TRA2B: variants seen among roughly 807,000 people sequenced by gnomAD.
The protein encoded by TRA2B is transformer-2 protein homolog beta.
TRA2B carries 14 observed loss-of-function variants against 41.7 expected under a neutral mutation model. That is an observed-to-expected ratio of 0.34 (90% CI 0.22 to 0.53). The LOEUF (loss-of-function observed/expected upper bound fraction) is 0.53, where lower values mean the gene tolerates loss of function less well. Among genes scored for constraint, TRA2B ranks in the 20% least tolerant of loss-of-function variants. The pLI is 0.95. For synonymous variants in TRA2B, 130 were observed against 128.8 expected, an observed-to-expected ratio of 1.01 and a Z score of -0.06; for missense variants, 167 against 396.8, an observed-to-expected ratio of 0.42 and a Z score of 4.92.
In TRA2B at chr3:185,937,911, C is replaced by G; in HGVS notation, c.-51G>C. On this transcript the variant is annotated 5_prime_UTR_variant, in exon 1 of 9. Coordinates refer to ENST00000453386, the MANE Select transcript of TRA2B (RefSeq NM_004593.3). ...ATGTGCTTCAATCGAAGCTGCCAAC[C>G]TCTTGCACCTTCCTTAAGGAGGCTC... is the stretch of plus-strand genomic sequence containing the variant. 1 of 1,610,538 alleles carries G rather than the reference C, an allele frequency of 6.2e-7. No homozygotes were observed. The highest frequency in any genetic ancestry group is 2.2e-5 in the East Asian group (1 of 44,846).
At chr3:185,937,146 A>G in intron 1 of TRA2B, 1 of 985,506 alleles carries the variant, frequency 1.0e-6, no homozygotes. Context: ...GGCATCAGAG[A>G]AAAGCGCTTC....
At chr3:185,934,718 C>G (rs930821986) in intron 1 of TRA2B, 2 of 984,790 alleles carry the variant, frequency 2.0e-6, no homozygotes, top group African/African-American at 3.5e-5. Context: ...GAGCTAAAAC[C>G]AAGGAATATA....
At chr3:185,925,669 ATTGTCTT>A (rs1458212892) in intron 2 of TRA2B, 43 bp from the exon 3 acceptor site, 1 of 1,569,732 alleles carries the variant, frequency 6.4e-7, no homozygotes, top group Non-Finnish European at 8.6e-7. Flanking sequence ...GAAAACAAAT[ATTGTCTT>A]CTTTATTACT....
rs1258762151 is a variant in TRA2B at position 185,915,838 on chromosome 3, T to TG, written c.*1876dup. 6.6e-6 allele frequency: 1 copy of TG among 152,166 alleles called. No individual in the cohort carries two copies. Among genetic ancestry groups the TG allele is most frequent in the African/African-American group, 2.4e-5 (1 of 41,422 alleles). 9.4% of individuals were successfully genotyped at this position (152,166 alleles called of 1,614,324 possible). A position where few individuals can be genotyped will look rare whatever the true frequency, so the allele number is the denominator to read the frequency against. ...GTTAACTGATGGGGAGAGGTTTGGT[T>TG]GGGGAGAAAATGGTGGAGAATGTAG... On this transcript the variant is annotated 3_prime_UTR_variant, in exon 9 of 9. Transcript: ENST00000453386.
At chr3:185,925,836 A>G (rs1342929740) in intron 2 of TRA2B, among the ~76,000 whole-genome samples, 3 of 152,248 alleles carry the variant, frequency 2.0e-5, no homozygotes, top group African/African-American at 7.2e-5. Flanking sequence ...GCTCTCCTCC[A>G]GTATTTCTTC....
chr3:185,927,965 A>G (rs1264319249), intron 1 of TRA2B: 1 of 152,214 alleles, frequency 6.6e-6, no homozygotes, highest in African/African-American at 2.4e-5. Flanking sequence ...GCAAGACTCA[A>G]AAGGAAGCAG....
rs1280932921 is a variant in TRA2B at position 185,915,900 on chromosome 3, A to G, written c.*1815T>C. 1 of 152,200 alleles carries G rather than the reference A, an allele frequency of 6.6e-6. No individual in the cohort carries two copies. Among genetic ancestry groups the G allele is most frequent in the African/African-American group, 2.4e-5 (1 of 41,444 alleles). The allele number at this position is 152,200 out of a possible 1,614,324, so 9.4% of individuals were successfully genotyped here. On this transcript the variant is annotated 3_prime_UTR_variant, in exon 9 of 9. Coordinates refer to ENST00000453386, the MANE Select transcript of TRA2B (RefSeq NM_004593.3). ...AAGGATGCCTGTATATACTACCACG[A>G]TAAAACCAGGTTTCTCAGCCTTTAA...
chr3:185,921,267 G>T, intron 5 of TRA2B, 80 bp from the exon 6 acceptor site: 2 of 1,186,064 alleles, frequency 1.7e-6, no homozygotes, highest in South Asian at 1.2e-5. Context: ...GGCCTTTTCT[G>T]ACACATTAAC....
intron 1 of TRA2B, chr3:185,934,622 G>A: frequency 3.0e-6 from 3 of 985,348 alleles, no homozygotes; most frequent in Non-Finnish European, 3.6e-6. Context: ...CTTTTTTAAA[G>A]GAAATTTGGT....
intron 1 of TRA2B, among the ~76,000 whole-genome samples, chr3:185,929,347 T>TA (rs1326766030): frequency 6.6e-6 from 1 of 152,102 alleles, no homozygotes; most frequent in Non-Finnish European, 1.5e-5. Flanking sequence ...CAGGTAAAGC[T>TA]ATAAAAACCA....
At chr3:185,930,271 A>AT (rs1172394064) in intron 1 of TRA2B, among the ~76,000 whole-genome samples, 1 of 152,168 alleles carries the variant, frequency 6.6e-6, no homozygotes, top group Non-Finnish European at 1.5e-5. Context: ...TGTAATATTC[A>AT]TTCACACATT....
At position 185,922,134 on chromosome 3, in the gene TRA2B, A is replaced by AG; in HGVS notation, c.523-9dup. Reference sequence around the variant, plus strand: ...ATTGGCACGTTCTTTAGCCTTCAAAAGGTAAATAAATTGTTACATACATCC... The same window carrying AG: ...ATTGGCACGTTCTTTAGCCTTCAAAAGGGTAAATAAATTGTTACATACATCC... On this transcript the variant is annotated splice_polypyrimidine_tract_variant and intron_variant, in intron 4 of 8. Coordinates refer to ENST00000453386, the MANE Select transcript of TRA2B (RefSeq NM_004593.3). The AG allele has an allele frequency of 6.2e-7, 1 of 1,606,612 alleles. No individual in the cohort carries two copies. The highest frequency in any genetic ancestry group is 8.5e-7 in the Non-Finnish European group (1 of 1,174,472).
chr3:185,931,507 C>T lies in TRA2B; in HGVS notation c.37-4773G>A, dbSNP rs74987700. On this transcript the variant is annotated intron_variant, in intron 1 of 8. Transcript: ENST00000453386. ...ACTTCTTTACCCTGTATATATTTTC[C>T]TCTATTAAACAAATAATGCATGCAT... 3.0e-3 allele frequency: 3,151 copies of T among 1,062,928 alleles called. 3 individuals carry two copies. Among genetic ancestry groups the T allele is most frequent in the Non-Finnish European group, 3.4e-3 (2,977 of 875,636 alleles). 65.8% of individuals were successfully genotyped at this position (1,062,928 alleles called of 1,614,324 possible). A position where few individuals can be genotyped will look rare whatever the true frequency, so the allele number is the denominator to read the frequency against.
intron 1 of TRA2B, among the ~76,000 whole-genome samples, chr3:185,933,431 G>T (rs1435595932): frequency 6.6e-6 from 1 of 152,116 alleles, no homozygotes; most frequent in East Asian, 1.9e-4. Context: ...TTAGTTAAGA[G>T]ACCCTAGTTA....
At chr3:185,935,443 C>G (rs1317980032) in intron 1 of TRA2B, 1 of 985,276 alleles carries the variant, frequency 1.0e-6, no homozygotes. Context: ...ATTGAGTGAT[C>G]AAACTGAGAA....
Position 185,925,448 on chromosome 3 carries a change from C to A in TRA2B, c.333+16G>T. 2 of 1,608,460 alleles carry A rather than the reference C, an allele frequency of 1.2e-6. No homozygotes were observed. Among genetic ancestry groups the A allele is most frequent in the South Asian group, 1.1e-5 (1 of 89,930 alleles). On this transcript the variant is annotated intron_variant, in intron 3 of 8. Transcript: ENST00000453386. ...TTTAGGCAGTTGACTGCTTCAAAACCAGTTTTTCATCTTACCCGATTCCCA... is the reference window on the plus strand; with the variant it reads ...TTTAGGCAGTTGACTGCTTCAAAACAAGTTTTTCATCTTACCCGATTCCCA...
At chr3:185,919,352 A>G (rs906447289) in intron 7 of TRA2B, 85 bp downstream of exon 7, 38 of 1,173,814 alleles carry the variant, frequency 3.2e-5, no homozygotes, top group Non-Finnish European at 1.1e-5. Flanking sequence ...TATTCCACTT[A>G]TAATTTACCA....
intron 1 of TRA2B, among the ~76,000 whole-genome samples, chr3:185,930,800 T>A (rs1034953698): frequency 2.0e-5 from 3 of 152,164 alleles, no homozygotes; most frequent in Non-Finnish European, 4.4e-5. Context: ...AACATTACAA[T>A]AGCTAAATGT....
chr3:185,930,374 G>A (rs1744104305), intron 1 of TRA2B, among the ~76,000 whole-genome samples: 1 of 151,862 alleles, frequency 6.6e-6, no homozygotes, highest in Admixed American at 6.6e-5. Context: ...TTTGACAAAG[G>A]AATGCAAAAC....
Sources: allele counts gnomAD v4.1 joint callset (sites outside exome capture counted in the v4.1 genomes callset), GRCh38; gene constraint gnomAD v4.1.1; transcripts MANE v1.5; gene names NCBI Gene and HGNC (gene_info 2026-07-23, HGNC 2026-07-21).